Variants in MYO16 observed in about 807,000 individuals in gnomAD.
MYO16 encodes unconventional myosin-XVI.
A neutral mutation model predicts 205.3 loss-of-function variants in MYO16; 94 were observed. The ratio of observed to expected loss-of-function variants is 0.46; its 90% CI spans 0.39 to 0.54. The LOEUF (loss-of-function observed/expected upper bound fraction) is 0.54, where lower values mean the gene tolerates loss of function less well. MYO16 is among the 20% of genes least tolerant of loss of function. MYO16 has a pLI of 0.00. For synonymous variants in MYO16, 988 were observed against 954.0 expected (o/e 1.04, Z -0.66); for missense variants, 2,315 against 2,387.5 (o/e 0.97, Z 0.63).
chr13:108,627,952 T>C (rs942310487), upstream of MYO16, among the ~76,000 whole-genome samples: 1 of 152,178 alleles, frequency 6.6e-6, no homozygotes, highest in East Asian at 1.9e-4. Flanking sequence ...GACATCTACA[T>C]GGATACAACC....
the MYO16 span, among the ~76,000 whole-genome samples, chr13:108,573,749 C>T: frequency 6.6e-6 from 1 of 152,198 alleles, no homozygotes. Context: ...CATCCAGATG[C>T]ACTGTTTTCC....
chr13:108,752,811 T>C lies in MYO16; in HGVS notation c.507+25228T>C, dbSNP rs1183630351. On this transcript the variant is annotated intron_variant, in intron 4 of 34. Coordinates refer to ENST00000457511, the MANE Select transcript of MYO16 (RefSeq NM_001198950.3). The stretch of plus-strand genomic sequence containing the variant: ...CACCTGCCACCGTGCCCAGCTAATT[T>C]TTTTTTTTTTTTTTTTTTTTTTAGT... Among the ~76,000 whole-genome samples, 56 of 83,100 alleles carry C rather than the reference T, an allele frequency of 6.7e-4. 2 individuals are homozygous for C. The East Asian group carries it at 6.8e-3, about 10-fold the overall frequency. 54.5% of individuals were successfully genotyped at this position (83,100 alleles called of 152,430 possible). A position where few individuals can be genotyped will look rare whatever the true frequency, so the allele number is the denominator to read the frequency against.
intron 1 of MYO16, among the ~76,000 whole-genome samples, chr13:108,659,823 C>G (rs1881421282): frequency 6.6e-6 from 1 of 152,182 alleles, no homozygotes; most frequent in African/African-American, 2.4e-5. Context: ...GGGGAAGAAA[C>G]AGCCCAAGTT....
At chr13:108,690,136 C>A (rs1413466586) in intron 2 of MYO16, among the ~76,000 whole-genome samples, 1 of 151,950 alleles carries the variant, frequency 6.6e-6, no homozygotes, top group Admixed American at 6.6e-5. Context: ...AAGGTGGATA[C>A]CATGCAAAAC....
chr13:108,543,747 T>C, the MYO16 span, among the ~76,000 whole-genome samples: 6 of 148,610 alleles, frequency 4.0e-5, no homozygotes, highest in African/African-American at 7.4e-5. Context: ...TTTCTTTTTT[T>C]TTTTTTTTTT....
chr13:108,600,174 G>A (rs530098071), intron 1 of MYO16, among the ~76,000 whole-genome samples: 22 of 152,068 alleles, frequency 1.4e-4, no homozygotes, highest in Admixed American at 5.2e-4. Flanking sequence ...ACTGCCCTGA[G>A]AGAGTGTAAG....
At chr13:108,764,575 A>T (rs1885718592) in intron 4 of MYO16, among the ~76,000 whole-genome samples, 2 of 152,196 alleles carry the variant, frequency 1.3e-5, no homozygotes, top group South Asian at 4.1e-4. Flanking sequence ...GGTACGTATC[A>T]GGGGAGATGA....
chr13:109,046,072 T>TGCTCGCCCTCCCTCATGGCG (rs1566479317), intron 23 of MYO16, among the ~76,000 whole-genome samples: 28 of 152,020 alleles, frequency 1.8e-4, no homozygotes, highest in African/African-American at 6.5e-4. Flanking sequence ...CCCTCATGGC[T>TGCTCGCCCTCCCTCATGGCG]GATGCTCACC....
chr13:108,746,235 T>A (rs1399980336), intron 4 of MYO16, among the ~76,000 whole-genome samples: 1 of 151,608 alleles, frequency 6.6e-6, no homozygotes, highest in Non-Finnish European at 1.5e-5. Flanking sequence ...AAAAATAAAA[T>A]AAAAATGAAG....
intron 16 of MYO16, among the ~76,000 whole-genome samples, chr13:108,933,038 G>A (rs1419427709): frequency 2.0e-5 from 3 of 152,078 alleles, no homozygotes; most frequent in Non-Finnish European, 4.4e-5. Context: ...AAGGCATCAG[G>A]GGGAGCTACA....
intron 28 of MYO16, among the ~76,000 whole-genome samples, chr13:109,111,613 A>T (rs1889287422): frequency 6.6e-6 from 1 of 152,226 alleles, no homozygotes; most frequent in Non-Finnish European, 1.5e-5. Flanking sequence ...AATTGCAGAA[A>T]AGAAGCTAGC....
chr13:109,017,567 G>T (rs1465578569), intron 22 of MYO16, among the ~76,000 whole-genome samples: 1 of 152,078 alleles, frequency 6.6e-6, no homozygotes. Context: ...TTTCCAACTT[G>T]GTTCCCTTCT....
At position 108,727,120 on chromosome 13, in the gene MYO16, T is replaced by C. The variant is rs143710117; in HGVS notation, c.364-320T>C. 3.0e-4 allele frequency among the ~76,000 whole-genome samples: 46 copies of C among 151,914 alleles called. 1 individual carries two copies. In the East Asian group the frequency reaches 5.0e-3, roughly 17 times the overall value. Reference sequence around the variant, plus strand: ...TGTATTTTTAGAAAGATAATTATTGTGAATGGTTCAAGTTTTTTTTAAATA... The same window carrying C: ...TGTATTTTTAGAAAGATAATTATTGCGAATGGTTCAAGTTTTTTTTAAATA... On this transcript the variant is annotated intron_variant, in intron 3 of 34. Transcript: ENST00000457511.
intron 1 of MYO16, among the ~76,000 whole-genome samples, chr13:108,649,997 A>G (rs901304116): frequency 5.3e-5 from 8 of 152,226 alleles, no homozygotes; most frequent in Non-Finnish European, 7.3e-5. Context: ...ATGTATTTAC[A>G]GTGAAAAGAA....
intron 15 of MYO16, among the ~76,000 whole-genome samples, chr13:108,904,276 T>C (rs143076841): frequency 1.9e-4 from 29 of 152,294 alleles, no homozygotes; most frequent in Middle Eastern, 6.8e-3. Context: ...TTATTTAGGT[T>C]CACTGGTGCA....
At chr13:108,565,512 T>C in the MYO16 span, among the ~76,000 whole-genome samples, 3 of 152,340 alleles carry the variant, frequency 2.0e-5, no homozygotes, top group Admixed American at 2.0e-4. Flanking sequence ...AACTGATTTT[T>C]GTATGTTGAT....
chr13:109,115,242 C>CAAAAAAAAAAAAAAAAAA (rs61441934), intron 28 of MYO16, among the ~76,000 whole-genome samples: 1 of 58,028 alleles, frequency 1.7e-5, no homozygotes, highest in Non-Finnish European at 2.8e-5. Context: ...CTACACCTCT[C>CAAAAAAAAAAAAAAAAAA]AAAAAAAAAA....
At chr13:108,756,136 G>C (rs1195354940) in intron 4 of MYO16, among the ~76,000 whole-genome samples, 1 of 152,068 alleles carries the variant, frequency 6.6e-6, no homozygotes, top group Non-Finnish European at 1.5e-5. Flanking sequence ...TAGCATATGA[G>C]TTAATTTATT....
chr13:108,926,123 C>T (rs1594401279), intron 16 of MYO16, among the ~76,000 whole-genome samples: 3 of 152,202 alleles, frequency 2.0e-5, no homozygotes, highest in Admixed American at 6.5e-5. Flanking sequence ...TCTACTCAGA[C>T]ATCCTGTGTT....
Sources: gnomAD v4.1 joint callset for allele counts (sites outside exome capture counted in the v4.1 genomes callset) on GRCh38, gnomAD v4.1.1 for gene constraint, MANE v1.5 for transcripts, NCBI Gene and HGNC (gene_info 2026-07-23, HGNC 2026-07-21) for gene names.